MMUT: variants seen among roughly 807,000 people sequenced by gnomAD.
MMUT encodes methylmalonyl-CoA mutase, also known as methylmalonyl-CoA mutase, mitochondrial.
MMUT carries 79 observed loss-of-function variants against 79.9 expected under a neutral mutation model. That is an observed-to-expected ratio of 0.99 (90% CI 0.82 to 1.19). The LOEUF is 1.19. MMUT is among the 50% of genes most tolerant of loss of function. The probability of loss-of-function intolerance (pLI) is 0.00; values close to 1 mark genes in which losing one functional copy is unlikely to be tolerated. For synonymous variants in MMUT, 273 were observed against 295.7 expected, an observed-to-expected ratio of 0.92 and a Z score of 0.79; for missense variants, 860 against 917.2, an observed-to-expected ratio of 0.94 and a Z score of 0.81.
At chr6:49,459,577 A>G in intron 1 of MMUT, 72 bp from the exon 2 acceptor site, 1 of 1,169,904 alleles carries the variant, frequency 8.5e-7, no homozygotes, top group Non-Finnish European at 1.2e-6. Context: ...ATAAGAAAGG[A>G]ACAGAAAAGA....
Position 49,431,820 on chromosome 6 carries a change from C to T in MMUT, c.2161G>A (p.Val721Ile), listed in dbSNP as rs770205649. The T allele has an allele frequency of 6.2e-7, 1 of 1,613,804 alleles. No individual in the cohort carries two copies. The highest frequency in any genetic ancestry group is 8.5e-7 in the Non-Finnish European group (1 of 1,179,714). The change falls in exon 13 of 13, where the codon GTA (valine) becomes ATA (isoleucine). Residue 721 changes from valine to isoleucine, a missense_variant. By Grantham distance (29) the Val-to-Ile change is conservative. Transcript: ENST00000274813. ...GGAATTCGAGTCCCAGGACCAAATA[C>T]ATTGGAAACACCAACTTCAAACAGA... The part of the protein sequence containing the change: ...EFLFEVGVSN[V>I]FGPGTRIPKA...
In MMUT at chr6:49,453,600, C is replaced by T; in HGVS notation, c.1068G>A (p.Trp356Ter). Residue 356 changes from tryptophan to a stop codon, truncating the protein, a stop_gained, in exon 5 of 13, where the codon TGG becomes TGA. Transcript: ENST00000274813. LOFTEE classifies it high-confidence loss of function. ...ATATACATACCTGCTCAGTAAGTGA[C>T]CATCCAGATGTCTGACAGTGTGCTC... Reference protein sequence around the residue: ...LLRAHCQTSGWSLTEQDPYNN... With the variant: ...LLRAHCQTSG 1 of 1,608,930 alleles carries T rather than the reference C, an allele frequency of 6.2e-7. No individual in the cohort carries two copies. The highest frequency in any genetic ancestry group is 1.7e-5 in the Admixed American group (1 of 59,946).
chr6:49,453,458 G>C, intron 5 of MMUT, 127 bp downstream of exon 5: 1 of 400,054 alleles, frequency 2.5e-6, no homozygotes, highest in Admixed American at 4.1e-5. Flanking sequence ...TTATGCTTCA[G>C]AATATTTATC....
chr6:49,435,446 TA>T lies in MMUT; in HGVS notation c.2124+9del. 1.2e-6 allele frequency: 2 copies of T among 1,610,754 alleles called. No individual in the cohort carries two copies. ...CATCACAGTACTAGAAAAATAGAGA[TA>T]AAAAATACCTGAGGTGGTATCACCC... On this transcript the variant is annotated intron_variant, in intron 12 of 12. Transcript: ENST00000274813.
intron 1 of MMUT, among the ~76,000 whole-genome samples, chr6:49,460,258 C>T (rs1767806612): frequency 1.3e-5 from 2 of 152,252 alleles, no homozygotes; most frequent in Admixed American, 1.3e-4. Flanking sequence ...TACAATACCC[C>T]TAAGAGGTAG....
intron 12 of MMUT, among the ~76,000 whole-genome samples, chr6:49,432,541 C>T (rs1767007765): frequency 6.6e-6 from 1 of 152,108 alleles, no homozygotes; most frequent in African/African-American, 2.4e-5. Context: ...GCGCCCGCCA[C>T]CATGCCCGGC....
At position 49,430,825 on chromosome 6, in the gene MMUT, T is replaced by C. The variant is rs1766954807; in HGVS notation, c.*903A>G. The stretch of plus-strand genomic sequence containing the variant: ...ATTTGTTAAACAGGTAAATGGCAAC[T>C]TTCCTTCTTTAGTGAGCAAATCTTT... On this transcript the variant is annotated 3_prime_UTR_variant, in exon 13 of 13. Transcript: ENST00000274813. 6.6e-6 allele frequency: 1 copy of C among 152,184 alleles called. No individual in the cohort carries two copies. Among genetic ancestry groups the C allele is most frequent in the Non-Finnish European group, 1.5e-5 (1 of 68,034 alleles). The allele number at this position is 152,184 out of a possible 1,614,324, so 9.4% of individuals were successfully genotyped here.
At chr6:49,453,969 T>C (rs180891597) in intron 4 of MMUT, among the ~76,000 whole-genome samples, 194 of 152,320 alleles carry the variant, frequency 1.3e-3, no homozygotes, top group Non-Finnish European at 2.4e-3. Context: ...TTGCTTCAGG[T>C]AAGAATTATT....
rs751462903 is a variant in MMUT at position 49,435,487 on chromosome 6, A to T, written c.2093T>A (p.Leu698His). ...TGGTATCACCCCTCCACACATGACA[A>T]GAATATCTGGCCGTCCAAGGGAGTT... is the stretch of plus-strand genomic sequence containing the variant. ...ELNSLGRPDILVMCGGVIPPQ... is the reference protein window; with the variant it reads ...ELNSLGRPDIHVMCGGVIPPQ... The change falls in exon 12 of 13, where the codon CTT (leucine) becomes CAT (histidine). Residue 698 changes from leucine (L) to histidine (H), a missense_variant. By Grantham distance (99) the Leu-to-His change is moderately conservative. Transcript: ENST00000274813. 6.2e-7 allele frequency: 1 copy of T among 1,614,156 alleles called. No individual in the cohort carries two copies. Among genetic ancestry groups the T allele is most frequent in the South Asian group, 1.1e-5 (1 of 91,080 alleles).
At chr6:49,440,432 G>A (rs1275042633) in intron 10 of MMUT, 79 bp from the exon 11 acceptor site, 3 of 1,415,406 alleles carry the variant, frequency 2.1e-6, no homozygotes, top group Admixed American at 1.8e-5. Context: ...TTTATTCACA[G>A]CAAATCTTTC....
chr6:49,441,753 T>C (rs1767280769), intron 10 of MMUT, 87 bp downstream of exon 10: 4 of 1,366,714 alleles, frequency 2.9e-6, no homozygotes, highest in Non-Finnish European at 9.8e-7. Flanking sequence ...CTCAGTTGTA[T>C]GTAAGGAAAT....
At chr6:49,440,413 A>G in intron 10 of MMUT, 60 bp from the exon 11 acceptor site, 1 of 1,523,864 alleles carries the variant, frequency 6.6e-7, no homozygotes, top group Admixed American at 1.7e-5. Flanking sequence ...GGGAAGATAT[A>G]AAAACTAATT....
Position 49,451,468 on chromosome 6 carries a change from T to G in MMUT, c.1330A>C (p.Lys444Gln). Residue 444 changes from lysine (K) to glutamine (Q), a missense_variant and splice_region_variant, in exon 6 of 13, where the codon AAG becomes CAG. By Grantham distance (53) the Lys-to-Gln change is moderately conservative. Coordinates refer to ENST00000274813, the MANE Select transcript of MMUT (RefSeq NM_000255.4). ...LTNDVYDAAL[K>Q]LINEIEEMGG... ...AGTTGCAAAGTGGAAAAACTTACCT[T>G]TAAAGCAGCATCATAAACATCATTT... 3 of 1,614,008 alleles carry G rather than the reference T, an allele frequency of 1.9e-6. No homozygotes were observed. Among genetic ancestry groups the G allele is most frequent in the Non-Finnish European group, 2.5e-6 (3 of 1,179,950 alleles).
chr6:49,451,574 T>C lies in MMUT; in HGVS notation c.1224A>G (p.Thr408=). ...TVKSARIARN[T]QIIIQEESGI... The stretch of plus-strand genomic sequence containing the variant: ...CAGATTCTTCTTGAATGATGATTTG[T>C]GTGTTCCTGGCAATTCGAGCACTTT... Residue 408 remains threonine (T), a synonymous_variant, in exon 6 of 13, where the codon ACA becomes ACG. Transcript: ENST00000274813. The C allele has an allele frequency of 6.2e-7, 1 of 1,614,178 alleles. No homozygotes were observed. The highest frequency in any genetic ancestry group is 1.1e-5 in the South Asian group (1 of 91,080).
intron 11 of MMUT, among the ~76,000 whole-genome samples, chr6:49,436,673 T>C (rs900235383): frequency 6.7e-6 from 1 of 150,336 alleles, no homozygotes; most frequent in African/African-American, 2.4e-5. Context: ...AGCAAAGACA[T>C]GGAATCAACC....
At chr6:49,453,156 G>A (rs1041151694) in intron 5 of MMUT, among the ~76,000 whole-genome samples, 2 of 149,304 alleles carry the variant, frequency 1.3e-5, no homozygotes, top group African/African-American at 4.9e-5. Flanking sequence ...ATTCTCCTAC[G>A]TCAGCTTCCC....
chr6:49,442,066 ATAAG>A (rs1767291839), intron 9 of MMUT, 95 bp from the exon 10 acceptor site: 21 of 1,310,584 alleles, frequency 1.6e-5, no homozygotes, highest in East Asian at 1.6e-4. Flanking sequence ...ATTTTATTAC[ATAAG>A]TAAATGACTG....
intron 10 of MMUT, among the ~76,000 whole-genome samples, chr6:49,440,589 T>C (rs962978567): frequency 2.0e-5 from 3 of 152,002 alleles, no homozygotes; most frequent in East Asian, 3.9e-4. Context: ...GATCACCCCA[T>C]CACCTAGGTA....
In MMUT at chr6:49,457,863, G is replaced by A. The variant is rs1254433398; in HGVS notation, c.581C>T (p.Pro194Leu). The A allele has an allele frequency of 6.2e-7, 1 of 1,613,614 alleles. No homozygotes were observed. The highest frequency in any genetic ancestry group is 2.2e-5 in the East Asian group (1 of 44,872). The change falls in exon 3 of 13, where the codon CCA becomes CTA. Residue 194 changes from proline (P) to leucine (L), a missense_variant. By Grantham distance (98) the Pro-to-Leu change is moderately conservative. Transcript: ENST00000274813. ...AGTTACTATAAAATTTGCAAGAACT[G>A]GAATAACTGCTCCATTCATAGTCAT... ...VSMTMNGAVI[P>L]VLANFIVTGE... is the part of the protein sequence containing the mutation.
Sources: allele counts gnomAD v4.1 joint callset (sites outside exome capture counted in the v4.1 genomes callset), GRCh38; gene constraint gnomAD v4.1.1; transcripts MANE v1.5; gene names NCBI Gene and HGNC (gene_info 2026-07-23, HGNC 2026-07-21).